The following RBFOX1 variants were observed in gnomAD, a reference collection of about 807,000 sequenced individuals.
The protein encoded by RBFOX1 is RNA binding protein fox-1 homolog 1.
Under a neutral mutation model 57.7 loss-of-function variants are expected in RBFOX1, and 8 were observed. The observed-to-expected ratio is 0.14, with a 90% CI of 0.08 to 0.25. The LOEUF (loss-of-function observed/expected upper bound fraction) is 0.25. Ranked by LOEUF, RBFOX1 falls within the 10% of genes least tolerant of loss-of-function variation. The probability of loss-of-function intolerance (pLI) is 1.00; values close to 1 mark genes in which losing one functional copy is unlikely to be tolerated. For synonymous variants in RBFOX1, 326 were observed against 222.4 expected, an observed-to-expected ratio of 1.47 and a Z score of -4.15; for missense variants, 611 against 548.5, an observed-to-expected ratio of 1.11 and a Z score of -1.14.
intron 2 of RBFOX1, among the ~76,000 whole-genome samples, chr16:5,483,645 C>T (rs755111962): frequency 6.6e-5 from 10 of 152,148 alleles, no homozygotes; most frequent in South Asian, 2.1e-4. Flanking sequence ...ATGCTGTAGA[C>T]GGGATTGCAG....
chr16:5,936,664 G>T (rs10492751), intron 4 of RBFOX1, among the ~76,000 whole-genome samples: 36,954 of 152,130 alleles, frequency 0.24, 5,172 homozygotes, highest in Middle Eastern at 0.48. Flanking sequence ...CTTTCAACTT[G>T]TAATTGTGTG....
intron 4 of RBFOX1, among the ~76,000 whole-genome samples, chr16:5,895,414 C>T (rs1446666748): frequency 1.3e-5 from 2 of 152,216 alleles, no homozygotes; most frequent in African/African-American, 2.4e-5. Flanking sequence ...TTAGTCAACT[C>T]ATGGCTGGAC....
At chr16:6,241,555 G>A (rs1251618321) in intron 1 of RBFOX1, among the ~76,000 whole-genome samples, 1 of 152,172 alleles carries the variant, frequency 6.6e-6, no homozygotes, top group Non-Finnish European at 1.5e-5. Flanking sequence ...ACAGTTAGAT[G>A]GTAAAGTCTA....
rs370174461 is a variant in RBFOX1, at chr16:6,340,507, C to T, written c.-64+23450C>T. 4.8e-3 allele frequency among the ~76,000 whole-genome samples: 729 copies of T among 152,318 alleles called. 9 individuals carry two copies. The highest frequency in any genetic ancestry group is 0.015 in the African/African-American group (641 of 41,572). Reference sequence around the variant, plus strand: ...TGGTTGCCTGTTTTTATGATTATTTCTTGATGATATGCTAAACAAGGGGAG... The same window carrying T: ...TGGTTGCCTGTTTTTATGATTATTTTTTGATGATATGCTAAACAAGGGGAG... On this transcript the variant is annotated intron_variant, in intron 2 of 15. Transcript: ENST00000550418.
chr16:7,500,578 A>C (rs1185706786), intron 4 of RBFOX1, among the ~76,000 whole-genome samples: 1 of 152,184 alleles, frequency 6.6e-6, no homozygotes, highest in East Asian at 1.9e-4. Flanking sequence ...ATCTTAGGGA[A>C]CAGTTTGATG....
chr16:5,867,590 C>G (rs1045266617), intron 4 of RBFOX1, among the ~76,000 whole-genome samples: 1 of 152,180 alleles, frequency 6.6e-6, no homozygotes, highest in Non-Finnish European at 1.5e-5. Context: ...ACAGATACAT[C>G]ATAATTCTAG....
Position 7,597,614 on chromosome 16 carries a change from A to G in RBFOX1, c.622+183A>G, listed in dbSNP as rs182620495. Among the ~76,000 whole-genome samples, 346 of 152,350 alleles carry G rather than the reference A, an allele frequency of 2.3e-3. 1 individual carries two copies. The highest frequency in any genetic ancestry group is 3.9e-3 in the Non-Finnish European group (265 of 68,028). On this transcript the variant is annotated intron_variant, in intron 9 of 15. Transcript: ENST00000550418. ...TCATTTTCACAACAAAGGCAAATGG[A>G]GTGTTCAGGTTAAGTGTGCCTGCCC...
chr16:7,166,950 C>T (rs28659795), intron 4 of RBFOX1, among the ~76,000 whole-genome samples: 1 of 140,080 alleles, frequency 7.1e-6, no homozygotes, highest in Non-Finnish European at 1.5e-5. Context: ...GAGAGAAAGC[C>T]CCAGATTGCT....
chr16:7,650,001 A>G lies in RBFOX1; in HGVS notation c.758-3814A>G, dbSNP rs1017282600. Reference sequence around the variant, plus strand: ...AAGAAGAGCGAGGGGAGAAAGGAAAAGGAGGAGGGAAGACAAAAGGAAGAA... The same window carrying G: ...AAGAAGAGCGAGGGGAGAAAGGAAAGGGAGGAGGGAAGACAAAAGGAAGAA... On this transcript the variant is annotated intron_variant, in intron 11 of 15. Transcript: ENST00000550418. 2.7e-4 allele frequency among the ~76,000 whole-genome samples: 11 copies of G among 41,212 alleles called. 1 individual carries two copies. The highest frequency in any genetic ancestry group is 3.2e-4 in the African/African-American group (5 of 15,414). 27.0% of individuals were successfully genotyped at this position (41,212 alleles called of 152,430 possible). A position where few individuals can be genotyped will look rare whatever the true frequency, so the allele number is the denominator to read the frequency against.
intron 1 of RBFOX1, among the ~76,000 whole-genome samples, chr16:5,460,731 A>T (rs992623186): frequency 3.9e-5 from 6 of 152,212 alleles, no homozygotes; most frequent in African/African-American, 1.4e-4. Flanking sequence ...CATGCCTGCT[A>T]AAGTAATCCT....
intron 1 of RBFOX1, among the ~76,000 whole-genome samples, chr16:5,286,466 G>T (rs541882642): frequency 6.6e-6 from 1 of 152,312 alleles, no homozygotes; most frequent in South Asian, 2.1e-4. Flanking sequence ...CAGGCCCCCA[G>T]ATGGTACATT....
At chr16:5,778,252 G>T (rs1285320368) in intron 3 of RBFOX1, among the ~76,000 whole-genome samples, 1 of 152,144 alleles carries the variant, frequency 6.6e-6, no homozygotes, top group Non-Finnish European at 1.5e-5. Flanking sequence ...AACATTTCAA[G>T]GCATTCCTTG....
chr16:7,388,234 T>C (rs2097917615), intron 4 of RBFOX1, among the ~76,000 whole-genome samples: 1 of 152,158 alleles, frequency 6.6e-6, no homozygotes, highest in African/African-American at 2.4e-5. Flanking sequence ...AAGGTTGGTG[T>C]GATGGATGCA....
chr16:6,910,319 A>T (rs2071231858), intron 3 of RBFOX1, among the ~76,000 whole-genome samples: 1 of 151,936 alleles, frequency 6.6e-6, no homozygotes, highest in Non-Finnish European at 1.5e-5. Flanking sequence ...TTAGGGGCAA[A>T]GAAAGTGAGT....
At chr16:6,877,288 G>A (rs2062025033) in intron 3 of RBFOX1, among the ~76,000 whole-genome samples, 1 of 152,150 alleles carries the variant, frequency 6.6e-6, no homozygotes, top group Non-Finnish European at 1.5e-5. Flanking sequence ...TGACTTGGAG[G>A]TATGCTTCTA....
At chr16:6,129,900 C>T (rs909934987) in intron 1 of RBFOX1, among the ~76,000 whole-genome samples, 1 of 151,928 alleles carries the variant, frequency 6.6e-6, no homozygotes, top group Non-Finnish European at 1.5e-5. Context: ...CAGAAAGAAA[C>T]AAAACAAAAC....
At chr16:7,495,030 C>G (rs1209151118) in intron 4 of RBFOX1, among the ~76,000 whole-genome samples, 2 of 152,040 alleles carry the variant, frequency 1.3e-5, no homozygotes, top group African/African-American at 2.4e-5. Flanking sequence ...ACCGTGTGTG[C>G]TTGATGTTTA....
intron 1 of RBFOX1, among the ~76,000 whole-genome samples, chr16:5,464,245 G>C (rs1305174990): frequency 6.6e-6 from 1 of 152,240 alleles, no homozygotes; most frequent in Non-Finnish European, 1.5e-5. Context: ...GTGCTCAGGA[G>C]AGCAGTTGGG....
chr16:6,532,280 T>C (rs2096668830), intron 2 of RBFOX1, among the ~76,000 whole-genome samples: 2 of 152,116 alleles, frequency 1.3e-5, no homozygotes, highest in African/African-American at 2.4e-5. Context: ...TTCTCTTGGG[T>C]ACTCTTAGGA....
Sources: gnomAD v4.1 joint callset for allele counts (sites outside exome capture counted in the v4.1 genomes callset) on GRCh38, gnomAD v4.1.1 for gene constraint, MANE v1.5 for transcripts, NCBI Gene and HGNC (gene_info 2026-07-23, HGNC 2026-07-21) for gene names.